Variants in ATP8B4 observed in about 807,000 individuals in gnomAD.
ATP8B4 encodes the protein probable phospholipid-transporting ATPase IM.
A neutral mutation model predicts 145.6 loss-of-function variants in ATP8B4; 133 were observed. The observed-to-expected ratio is 0.91, with a 90% CI of 0.79 to 1.05. The LOEUF (loss-of-function observed/expected upper bound fraction) is 1.05. ATP8B4 is among the 50% of genes least tolerant of loss of function. ATP8B4 has a pLI of 0.00. For synonymous variants in ATP8B4, 507 were observed against 492.9 expected, an observed-to-expected ratio of 1.03 and a Z score of -0.38; for missense variants, 1,458 against 1,425.2, an observed-to-expected ratio of 1.02 and a Z score of -0.37.
At chr15:49,920,499 C>A in intron 17 of ATP8B4, 89 bp from the exon 18 acceptor site, 1 of 1,387,226 alleles carries the variant, frequency 7.2e-7, no homozygotes, top group Non-Finnish European at 9.6e-7. Context: ...AGAAATTTTT[C>A]ACTCAAATTC....
intron 10 of ATP8B4, among the ~76,000 whole-genome samples, chr15:49,987,145 T>C (rs2046679157): frequency 6.6e-6 from 1 of 152,176 alleles, no homozygotes; most frequent in African/African-American, 2.4e-5. Context: ...ACCCACTGTC[T>C]AGTTAAAGCT....
At chr15:49,983,423 A>G (rs2046324912) in intron 10 of ATP8B4, among the ~76,000 whole-genome samples, 1 of 152,168 alleles carries the variant, frequency 6.6e-6, no homozygotes, top group Non-Finnish European at 1.5e-5. Flanking sequence ...AAGCCTGGTC[A>G]TCAAAGCTTG....
At chr15:49,862,749 C>CT (rs1384723497) in intron 26 of ATP8B4, among the ~76,000 whole-genome samples, 2 of 152,166 alleles carry the variant, frequency 1.3e-5, no homozygotes, top group Non-Finnish European at 2.9e-5. Flanking sequence ...GCCACCACGC[C>CT]TGGCCAAGAT....
intron 10 of ATP8B4, among the ~76,000 whole-genome samples, chr15:49,985,204 C>T (rs1370442151): frequency 6.6e-6 from 1 of 151,770 alleles, no homozygotes; most frequent in Non-Finnish European, 1.5e-5. Flanking sequence ...TCATGCCATT[C>T]TCCTACCTCA....
upstream of ATP8B4, among the ~76,000 whole-genome samples, chr15:50,123,797 C>G (rs1456354098): frequency 2.0e-5 from 3 of 152,102 alleles, no homozygotes; most frequent in Non-Finnish European, 4.4e-5. Context: ...TTCTGAGCTA[C>G]TCCACATCTC....
At chr15:50,119,919 G>A (rs550693099), upstream of ATP8B4, among the ~76,000 whole-genome samples, 8 of 152,142 alleles carry the variant, frequency 5.3e-5, no homozygotes, top group East Asian at 1.5e-3. Context: ...TGGTACCAAA[G>A]AACAAATGCA....
chr15:50,156,107 A>AATATATTTATATATATAAAT (rs1567410586), intron 1 of ATP8B4, among the ~76,000 whole-genome samples: 4 of 27,134 alleles, frequency 1.5e-4, no homozygotes, highest in African/African-American at 4.2e-4. Context: ...TATATATATA[A>AATATATTTATATATATAAAT]ATATATATAT....
intron 16 of ATP8B4, among the ~76,000 whole-genome samples, chr15:49,925,184 C>T (rs1599176868): frequency 1.3e-5 from 2 of 151,918 alleles, no homozygotes; most frequent in Admixed American, 6.6e-5. Context: ...ACACTAGTTA[C>T]TATAATTATT....
chr15:49,998,950 C>A (rs1480352249), intron 8 of ATP8B4, among the ~76,000 whole-genome samples: 1 of 152,124 alleles, frequency 6.6e-6, no homozygotes, highest in African/African-American at 2.4e-5. Context: ...TTTCAGCTTT[C>A]TACATATGGC....
chr15:50,001,366 TA>T lies in ATP8B4; in HGVS notation c.506+786del, dbSNP rs1417756564. The stretch of plus-strand genomic sequence containing the variant: ...CTGTCCAAAGTAGGGTCCCACAGAC[TA>T]AAGTACTATTTGAATAGCTCAATAT... On this transcript the variant is annotated intron_variant, in intron 8 of 27. Coordinates refer to ENST00000284509, the MANE Select transcript of ATP8B4 (RefSeq NM_024837.4). Among the ~76,000 whole-genome samples, 5 of 152,222 alleles carry T rather than the reference TA, an allele frequency of 3.3e-5. No individual in the cohort carries two copies. The East Asian group carries it at 9.6e-4, about 29-fold the overall frequency.
chr15:49,923,631 G>C, intron 16 of ATP8B4, 137 bp from the exon 17 acceptor site: 1 of 568,882 alleles, frequency 1.8e-6, no homozygotes, highest in South Asian at 2.4e-5. Flanking sequence ...AGTGCCTTTG[G>C]TTAGGTCATT....
chr15:49,982,134 T>A (rs190740980), intron 10 of ATP8B4, among the ~76,000 whole-genome samples: 1 of 151,968 alleles, frequency 6.6e-6, no homozygotes, highest in East Asian at 1.9e-4. Flanking sequence ...CCATTTAATA[T>A]AGGAGAAAGG....
intron 3 of ATP8B4, among the ~76,000 whole-genome samples, chr15:50,070,056 C>T (rs1176319228): frequency 6.6e-6 from 1 of 152,122 alleles, no homozygotes; most frequent in Non-Finnish European, 1.5e-5. Context: ...ATTTCGTGGA[C>T]TAGTTATAAG....
At chr15:50,177,719 T>C (rs556352138) in intron 1 of ATP8B4, among the ~76,000 whole-genome samples, 1 of 152,322 alleles carries the variant, frequency 6.6e-6, no homozygotes, top group South Asian at 2.1e-4. Context: ...GTATAGTCCC[T>C]GGACTAGCAG....
At position 49,931,211 on chromosome 15, in the gene ATP8B4, G is replaced by A; in HGVS notation, c.1550C>T (p.Thr517Ile). The change falls in exon 16 of 28, where the codon ACC becomes ATC. Residue 517 changes from threonine (T) to isoleucine (I), a missense_variant. Transcript: ENST00000284509. Reference sequence around the variant, plus strand: ...TGTTCCCAATTCTTCTATTGTTATGGTCTCTGGGGTCCGGGATTTAAAAAT... The same window carrying A: ...TGTTCCCAATTCTTCTATTGTTATGATCTCTGGGGTCCGGGATTTAAAAAT... Reference protein sequence around the residue: ...GFIFKSRTPETITIEELGTLV... With the variant: ...GFIFKSRTPEIITIEELGTLV... 9.9e-6 allele frequency: 16 copies of A among 1,612,686 alleles called. No individual in the cohort carries two copies. Among genetic ancestry groups the A allele is most frequent in the Non-Finnish European group, 1.4e-5 (16 of 1,179,156 alleles).
At chr15:49,955,920 C>T (rs2043519507) in intron 14 of ATP8B4, among the ~76,000 whole-genome samples, 2 of 151,700 alleles carry the variant, frequency 1.3e-5, no homozygotes, top group South Asian at 2.1e-4. Context: ...AGTCATGCAA[C>T]ATTAAAAAAA....
intron 7 of ATP8B4, among the ~76,000 whole-genome samples, chr15:50,006,201 A>C (rs1258964502): frequency 2.0e-5 from 3 of 151,986 alleles, no homozygotes; most frequent in Non-Finnish European, 4.4e-5. Context: ...AATAAGAAAA[A>C]GATGGTGACA....
At chr15:49,992,266 G>C (rs145325805) in intron 9 of ATP8B4, among the ~76,000 whole-genome samples, 1 of 152,264 alleles carries the variant, frequency 6.6e-6, no homozygotes, top group East Asian at 1.9e-4. Context: ...GAGAACTTTA[G>C]GGCCTTTACC....
At chr15:49,918,973 GT>G (rs766383893) in intron 18 of ATP8B4, 23 bp from the exon 19 acceptor site, 14 of 1,550,220 alleles carry the variant, frequency 9.0e-6, no homozygotes, top group Non-Finnish European at 1.2e-5. Context: ...AGAGAGAAAA[GT>G]TTATGTTAAT....
Sources: gnomAD v4.1 joint callset for allele counts (sites outside exome capture counted in the v4.1 genomes callset) on GRCh38, gnomAD v4.1.1 for gene constraint, MANE v1.5 for transcripts, NCBI Gene and HGNC (gene_info 2026-07-23, HGNC 2026-07-21) for gene names.